Variants in LMF1 observed in about 807,000 individuals in gnomAD.
LMF1 encodes transmembrane protein 112.
LMF1 carries 68 observed loss-of-function variants against 60.6 expected under a neutral mutation model. That is an observed-to-expected ratio of 1.12 (90% CI 0.92 to 1.37). The LOEUF (loss-of-function observed/expected upper bound fraction) is 1.37. Among genes scored for constraint, LMF1 ranks in the 40% most tolerant of loss-of-function variants. The pLI is 0.00. For synonymous variants in LMF1, 418 were observed against 324.7 expected (o/e 1.29, Z -3.09); for missense variants, 948 against 767.2 (o/e 1.24, Z -2.78).
At chr16:971,737 G>C (rs1436999147), upstream of LMF1, among the ~76,000 whole-genome samples, 2 of 152,224 alleles carry the variant, frequency 1.3e-5, no homozygotes, top group East Asian at 3.9e-4. Context: ...GCGGGTGCTA[G>C]GAAGGGCTGG....
intron 2 of LMF1, among the ~76,000 whole-genome samples, chr16:941,007 C>A (rs2072087730): frequency 6.6e-6 from 1 of 152,110 alleles, no homozygotes. Flanking sequence ...TCTTTATGAT[C>A]AATTAAGTCT....
At chr16:937,692 AT>A (rs1241064111) in intron 2 of LMF1, among the ~76,000 whole-genome samples, 1 of 152,234 alleles carries the variant, frequency 6.6e-6, no homozygotes, top group East Asian at 1.9e-4. Flanking sequence ...TTAAAAACAC[AT>A]TTGGCTCCAG....
intron 1 of LMF1, among the ~76,000 whole-genome samples, chr16:955,869 T>C (rs1488371089): frequency 6.6e-6 from 1 of 152,048 alleles, no homozygotes; most frequent in African/African-American, 2.4e-5. Flanking sequence ...GGCTTGACAC[T>C]TACTGCCTAT....
At chr16:937,038 C>G (rs2071967223) in intron 2 of LMF1, among the ~76,000 whole-genome samples, 1 of 152,162 alleles carries the variant, frequency 6.6e-6, no homozygotes, top group African/African-American at 2.4e-5. Context: ...TGACTCAGGG[C>G]CACCAAAATA....
intron 6 of LMF1, among the ~76,000 whole-genome samples, chr16:877,579 C>A (rs1033207591): frequency 1.3e-5 from 2 of 152,116 alleles, no homozygotes; most frequent in African/African-American, 4.8e-5. Context: ...TGGAGAAACG[C>A]CACAACTCAA....
rs1391609798 is a variant in LMF1 at position 869,764 on chromosome 16, C to G, written c.1416+119G>C. 7 of 1,065,928 alleles carry G rather than the reference C, an allele frequency of 6.6e-6. No homozygotes were observed. In the Admixed American group the frequency reaches 1.5e-4, roughly 23 times the overall value. 66.0% of individuals were successfully genotyped at this position (1,065,928 alleles called of 1,614,324 possible). ...GTTCTCAGCTCAGGCAGGATCCCAT[C>G]TCTCCCAGCCTCCCTCCCCACCAGC... On this transcript the variant is annotated intron_variant, in intron 9 of 10. Transcript: ENST00000262301.
intron 1 of LMF1, among the ~76,000 whole-genome samples, 163 bp downstream of exon 1, chr16:970,625 T>C: frequency 6.6e-6 from 1 of 152,104 alleles, no homozygotes; most frequent in East Asian, 1.9e-4. Context: ...CAGCAAGCCT[T>C]GTCCTGCCCT....
intron 2 of LMF1, among the ~76,000 whole-genome samples, chr16:947,059 C>T (rs557650126): frequency 5.3e-4 from 81 of 152,326 alleles, no homozygotes; most frequent in African/African-American, 1.8e-3. Context: ...GACAAAGACA[C>T]CCAGCACACA....
intron 2 of LMF1, among the ~76,000 whole-genome samples, chr16:938,599 G>A (rs981297546): frequency 5.3e-5 from 8 of 152,204 alleles, no homozygotes; most frequent in Admixed American, 2.0e-4. Flanking sequence ...AACATCTGTC[G>A]CCTGTTGCCT....
intron 1 of LMF1, among the ~76,000 whole-genome samples, chr16:977,477 A>T (rs2073181799): frequency 6.6e-6 from 1 of 152,206 alleles, no homozygotes; most frequent in South Asian, 2.1e-4. Flanking sequence ...CGTCATTAAA[A>T]GCACCAATTA....
chr16:949,537 CAG>C (rs201814966), intron 2 of LMF1, among the ~76,000 whole-genome samples: 1,658 of 52,710 alleles, frequency 0.031, 249 homozygotes, highest in African/African-American at 0.091. Flanking sequence ...ACGACAGAGT[CAG>C]AGCCAACGAC....
Position 869,947 on chromosome 16 carries a change from C to T in LMF1, c.1352G>A (p.Arg451Gln), listed in dbSNP as rs772059919. The T allele has an allele frequency of 2.7e-5, 44 of 1,613,320 alleles. No individual in the cohort carries two copies. The Admixed American group carries it at 3.0e-4, about 11-fold the overall frequency. The change falls in exon 9 of 11, where the codon CGG becomes CAG. Residue 451 changes from arginine (R) to glutamine (Q), a missense_variant. Physicochemically the swap from Arg to Gln is conservative, Grantham distance 43 (BLOSUM62 1). Transcript: ENST00000262301. Reference protein sequence around the residue: ...FKCKPGDPSRRPCLISPYHYR... With the variant: ...FKCKPGDPSRQPCLISPYHYR... Reference sequence around the variant, plus strand: ...GTGGTACGGGGAGATGAGGCAGGGCCGTCTGCTGGGGTCACCTGGCTTGCA... The same window carrying T: ...GTGGTACGGGGAGATGAGGCAGGGCTGTCTGCTGGGGTCACCTGGCTTGCA...
chr16:855,851 C>T (rs1567129189), intron 10 of LMF1: 5 of 455,866 alleles, frequency 1.1e-5, no homozygotes, highest in Non-Finnish European at 1.8e-5. Context: ...CAGCTGTGCT[C>T]TGGGGGCTGG....
chr16:966,930 G>C (rs2072936474), intron 1 of LMF1, among the ~76,000 whole-genome samples: 1 of 152,242 alleles, frequency 6.6e-6, no homozygotes, highest in African/African-American at 2.4e-5. Flanking sequence ...TTCTGAGGCA[G>C]TTAAAATGCA....
chr16:893,289 C>A (rs547047515), intron 4 of LMF1: 3 of 654,020 alleles, frequency 4.6e-6, no homozygotes, highest in South Asian at 4.5e-5. Flanking sequence ...GTTTAGTGCA[C>A]ACCGCGGGCG....
intron 3 of LMF1, among the ~76,000 whole-genome samples, chr16:914,405 C>T (rs1017925872): frequency 6.6e-6 from 1 of 152,120 alleles, no homozygotes; most frequent in Non-Finnish European, 1.5e-5. Flanking sequence ...AGACCGGATG[C>T]TCACTCGTAG....
Position 946,781 on chromosome 16 carries a change from G to T in LMF1, c.503+7576C>A, listed in dbSNP as rs1420811876. On this transcript the variant is annotated intron_variant, in intron 2 of 10. Transcript: ENST00000262301. ...CTCTGCCTCTCAAGGGACCTCACGTGCCCTGGTGGGCCTGACCAAGCTGAA... is the reference window on the plus strand; with the variant it reads ...CTCTGCCTCTCAAGGGACCTCACGTTCCCTGGTGGGCCTGACCAAGCTGAA... Among the ~76,000 whole-genome samples the T allele has an allele frequency of 3.3e-5, 5 of 152,334 alleles. No homozygotes were observed. The East Asian group carries it at 9.7e-4, about 29-fold the overall frequency.
At chr16:902,191 C>G (rs1596954101) in intron 4 of LMF1, 1 of 152,664 alleles carries the variant, frequency 6.6e-6, no homozygotes, top group East Asian at 1.9e-4. Context: ...CTGCCACACG[C>G]CTGGGGTGGA....
chr16:981,214 C>T (rs1464735537), exon 1 of LMF1: 2 of 455,166 alleles, frequency 4.4e-6, no homozygotes, highest in South Asian at 1.6e-5. Flanking sequence ...CCGACCCTGT[C>T]CTGGACCGCA....
Sources: gnomAD v4.1 joint callset for allele counts (sites outside exome capture counted in the v4.1 genomes callset) on GRCh38, gnomAD v4.1.1 for gene constraint, MANE v1.5 for transcripts, NCBI Gene and HGNC (gene_info 2026-07-23, HGNC 2026-07-21) for gene names.